The following GRIK2 variants were observed in gnomAD, a reference collection of about 807,000 sequenced individuals.
The protein encoded by GRIK2 is glutamate ionotropic receptor kainate type subunit 2, also known as glutamate receptor ionotropic, kainate 2.
GRIK2 carries 32 observed loss-of-function variants against 100.3 expected under a neutral mutation model. The observed-to-expected ratio is 0.32, with a 90% CI of 0.24 to 0.43. The LOEUF (loss-of-function observed/expected upper bound fraction) is 0.43. Ranked by LOEUF, GRIK2 falls within the 20% of genes least tolerant of loss-of-function variation. The pLI, the probability that GRIK2 is intolerant of heterozygous loss-of-function variation, is 1.00. For missense variants in GRIK2, 843 were observed against 1,114.9 expected (o/e 0.76, Z 3.47); for synonymous variants, 417 against 389.4 (o/e 1.07, Z -0.83).
In GRIK2 at chr6:101,883,188, G is replaced by A. The variant is rs559842717; in HGVS notation, c.1525-6452G>A. Among the ~76,000 whole-genome samples the A allele has an allele frequency of 1.6e-3, 243 of 151,192 alleles. 3 individuals carry two copies. The highest frequency in any genetic ancestry group is 5.6e-3 in the African/African-American group (230 of 41,242). On this transcript the variant is annotated intron_variant, in intron 11 of 16. Coordinates refer to ENST00000369134, the MANE Select transcript of GRIK2 (RefSeq NM_021956.5). ...TAAATATCCCTACCTTTACTACTAT[G>A]CGGTCTTTACAACAAAAATGACCCA...
chr6:102,031,256 T>C (rs952233952), intron 14 of GRIK2, among the ~76,000 whole-genome samples: 3 of 150,998 alleles, frequency 2.0e-5, no homozygotes, highest in Non-Finnish European at 4.5e-5. Flanking sequence ...TAGTGATCTC[T>C]TCAAAATGCA....
chr6:101,601,978 G>C (rs1779235094), intron 2 of GRIK2, among the ~76,000 whole-genome samples: 1 of 151,564 alleles, frequency 6.6e-6, no homozygotes. Flanking sequence ...GCTTAGGCTA[G>C]TTCTTGTTTT....
intron 4 of GRIK2, among the ~76,000 whole-genome samples, chr6:101,632,797 ACT>A (rs756246424): frequency 3.9e-5 from 6 of 151,998 alleles, no homozygotes; most frequent in Non-Finnish European, 7.4e-5. Flanking sequence ...ATAACACTAC[ACT>A]CTAGTGTAAC....
intron 2 of GRIK2, among the ~76,000 whole-genome samples, chr6:101,450,350 A>G (rs1562146306): frequency 6.6e-6 from 1 of 151,710 alleles, no homozygotes; most frequent in African/African-American, 2.4e-5. Flanking sequence ...GAACCTTATT[A>G]CAATATTGTA....
chr6:101,779,410 T>C (rs770629347), intron 7 of GRIK2, among the ~76,000 whole-genome samples: 4 of 152,244 alleles, frequency 2.6e-5, no homozygotes, highest in South Asian at 2.1e-4. Context: ...ACATTTCTTA[T>C]GTTCTTTTCA....
rs7745502 is a variant in GRIK2, at chr6:101,524,102, G to A, written c.116-97847G>A. On this transcript the variant is annotated intron_variant, in intron 2 of 16. Transcript: ENST00000369134. ...GCTCTGTTTGATAATGGTGTTTATT[G>A]TTTCTGGGACAAATTATGAAAGAAG... 7.5e-3 allele frequency among the ~76,000 whole-genome samples: 1,141 copies of A among 152,176 alleles called. 9 individuals carry two copies. Among genetic ancestry groups the A allele is most frequent in the African/African-American group, 0.024 (1,001 of 41,520 alleles).
chr6:102,035,939 T>G (rs1281338251), intron 15 of GRIK2, among the ~76,000 whole-genome samples: 1 of 151,308 alleles, frequency 6.6e-6, no homozygotes, highest in Non-Finnish European at 1.5e-5. Context: ...ATATAGTATT[T>G]GACTTAGAGA....
intron 9 of GRIK2, among the ~76,000 whole-genome samples, chr6:101,806,627 T>C (rs540551051): frequency 1.0e-5 from 1 of 98,296 alleles, no homozygotes; most frequent in Admixed American, 1.1e-4. Flanking sequence ...CTACAGAGGG[T>C]TTTTTTTTTT....
intron 14 of GRIK2, among the ~76,000 whole-genome samples, chr6:101,960,300 A>T (rs938121288): frequency 3.3e-5 from 5 of 151,550 alleles, no homozygotes; most frequent in African/African-American, 1.2e-4. Flanking sequence ...GCTTCCTCAC[A>T]ATCTATATTT....
chr6:101,541,594 G>A (rs1775999875), intron 2 of GRIK2, among the ~76,000 whole-genome samples: 1 of 151,982 alleles, frequency 6.6e-6, no homozygotes. Flanking sequence ...TAAGTTTCCA[G>A]CCTCTCCCAC....
chr6:101,602,377 A>C (rs687954), intron 2 of GRIK2, among the ~76,000 whole-genome samples: 3,909 of 151,416 alleles, frequency 0.026, 170 homozygotes, highest in African/African-American at 0.09. Context: ...TATGTTCTGC[A>C]CTTTCATTGT....
chr6:101,912,471 A>G (rs896604799), intron 12 of GRIK2, among the ~76,000 whole-genome samples: 1 of 151,566 alleles, frequency 6.6e-6, no homozygotes, highest in African/African-American at 2.4e-5. Flanking sequence ...GTTATCAACA[A>G]TGATTACCAG....
chr6:101,858,020 C>T (rs1392284545), intron 10 of GRIK2, among the ~76,000 whole-genome samples: 1 of 152,190 alleles, frequency 6.6e-6, no homozygotes, highest in Non-Finnish European at 1.5e-5. Context: ...TTCAGAGTTT[C>T]AAGTGTCTAG....
At chr6:101,723,560 A>G (rs1313498730) in intron 7 of GRIK2, among the ~76,000 whole-genome samples, 1 of 152,070 alleles carries the variant, frequency 6.6e-6, no homozygotes, top group African/African-American at 2.4e-5. Flanking sequence ...ATTTTGCACT[A>G]CACTGCAATA....
chr6:101,688,531 A>G (rs1325197766), intron 7 of GRIK2, among the ~76,000 whole-genome samples: 6 of 152,016 alleles, frequency 3.9e-5, no homozygotes, highest in Non-Finnish European at 8.8e-5. Flanking sequence ...ATATGGAAAA[A>G]GAGAGAGGAT....
chr6:101,707,301 A>G (rs1017761588), intron 7 of GRIK2, among the ~76,000 whole-genome samples: 1 of 151,430 alleles, frequency 6.6e-6, no homozygotes, highest in African/African-American at 2.4e-5. Context: ...TGTTCAACAA[A>G]ATAGGGGAAG....
chr6:101,539,980 C>T (rs1179790934), intron 2 of GRIK2, among the ~76,000 whole-genome samples: 1 of 151,786 alleles, frequency 6.6e-6, no homozygotes, highest in Admixed American at 6.6e-5. Context: ...AATAAGTGTG[C>T]ATCCATTGAT....
chr6:101,494,734 C>A (rs1773333711), intron 2 of GRIK2, among the ~76,000 whole-genome samples: 1 of 150,908 alleles, frequency 6.6e-6, no homozygotes, highest in African/African-American at 2.4e-5. Context: ...AGTTCGAGAC[C>A]AGCCTGGGCA....
At chr6:101,761,330 C>G (rs1372093446) in intron 7 of GRIK2, among the ~76,000 whole-genome samples, 4 of 152,058 alleles carry the variant, frequency 2.6e-5, no homozygotes, top group Admixed American at 6.5e-5. Flanking sequence ...CTGTGTGACT[C>G]TAATGATTTT....
Sources: allele counts gnomAD v4.1 joint callset (sites outside exome capture counted in the v4.1 genomes callset), GRCh38; gene constraint gnomAD v4.1.1; transcripts MANE v1.5; gene names NCBI Gene and HGNC (gene_info 2026-07-23, HGNC 2026-07-21).